DUOXA2: variants seen among roughly 807,000 people sequenced by gnomAD.
DUOXA2 encodes the protein dual oxidase maturation factor 2.
In DUOXA2, 22 loss-of-function variants were observed where a neutral mutation model predicts 27.6. The ratio of observed to expected loss-of-function variants is 0.80; its 90% confidence interval spans 0.57 to 1.14. DUOXA2 has a LOEUF of 1.14. DUOXA2 is among the 50% of genes most tolerant of loss of function. The pLI, the probability that DUOXA2 is intolerant of heterozygous loss-of-function variation, is 0.00. For missense variants in DUOXA2, 481 were observed against 419.9 expected (o/e 1.15, Z -1.27); for synonymous variants, 188 against 184.4 (o/e 1.02, Z -0.16).
At chr15:45,117,614 G>A (rs144216500) in intron 5 of DUOXA2, 102 bp from the exon 6 acceptor site, 1 of 1,613,598 alleles carries the variant, frequency 6.2e-7, no homozygotes, top group Non-Finnish European at 8.5e-7. Context: ...ACTTTGGGAG[G>A]TCGAGGCAGG....
At position 45,114,744 on chromosome 15, in the gene DUOXA2, G is replaced by A. The variant is rs1371138666; in HGVS notation, c.139G>A (p.Gly47Ser). 1.9e-6 allele frequency: 3 copies of A among 1,614,092 alleles called. No homozygotes were observed. Among genetic ancestry groups the A allele is most frequent in the Non-Finnish European group, 1.7e-6 (2 of 1,180,048 alleles). Reference sequence around the variant, plus strand: ...CCTGCTCATCTTGCCGGGGATCCGTGGCCACTCGGTAAGGGTGTCCTCATA... The same window carrying A: ...CCTGCTCATCTTGCCGGGGATCCGTAGCCACTCGGTAAGGGTGTCCTCATA... ...SFLLILPGIR[G>S]HSRWFWLVRV... The change falls in exon 1 of 6, where the codon GGC (glycine) becomes AGC (serine). Residue 47 changes from glycine (G) to serine (S), a missense_variant. Coordinates refer to ENST00000323030, the MANE Select transcript of DUOXA2 (RefSeq NM_207581.4).
rs376936472 is a variant in DUOXA2 at position 45,117,250 on chromosome 15, C to T, written c.714C>T (p.Gly238=). ...SSVPLCPLRL[G]SSALTTQYGA... ...TGCCGCTCTGCCCGCTCCGCCTAGG[C>T]TCCTCCGCGCTCACCACTCAGTACG... Residue 238 remains glycine (G), a synonymous_variant, in exon 5 of 6, where the codon GGC becomes GGT. Transcript: ENST00000323030. 1.9e-6 allele frequency: 3 copies of T among 1,609,948 alleles called. No homozygotes were observed. The highest frequency in any genetic ancestry group is 2.5e-6 in the Non-Finnish European group (3 of 1,178,928).
At chr15:45,116,925 G>C in intron 4 of DUOXA2, 166 bp from the exon 5 acceptor site, 2 of 1,058,024 alleles carry the variant, frequency 1.9e-6, no homozygotes, top group Non-Finnish European at 2.8e-6. Flanking sequence ...TCCAGCCACC[G>C]CCTGGACCTC....
At chr15:45,116,924 C>A (rs1327489262) in intron 4 of DUOXA2, 167 bp from the exon 5 acceptor site, 4 of 1,049,008 alleles carry the variant, frequency 3.8e-6, no homozygotes, top group African/African-American at 3.1e-5. Flanking sequence ...CTCCAGCCAC[C>A]GCCTGGACCT....
Position 45,118,179 on chromosome 15 carries a change from A to G in DUOXA2, c.*270A>G. ...GTCCTCATGAGCTTCGCTGGGCTGGAGACAGCCTAGTACACTCTCCGCAGT... is the reference window on the plus strand; with the variant it reads ...GTCCTCATGAGCTTCGCTGGGCTGGGGACAGCCTAGTACACTCTCCGCAGT... On this transcript the variant is annotated 3_prime_UTR_variant, in exon 6 of 6. Coordinates refer to ENST00000323030, the MANE Select transcript of DUOXA2 (RefSeq NM_207581.4). 2 of 1,435,568 alleles carry G rather than the reference A, an allele frequency of 1.4e-6. No individual in the cohort carries two copies. Among genetic ancestry groups the G allele is most frequent in the Non-Finnish European group, 1.8e-6 (2 of 1,100,406 alleles). 88.9% of individuals were successfully genotyped at this position (1,435,568 alleles called of 1,614,324 possible). A position where few individuals can be genotyped will look rare whatever the true frequency, so the allele number is the denominator to read the frequency against.
At position 45,118,209 on chromosome 15, in the gene DUOXA2, T is replaced by G; in HGVS notation, c.*300T>G. On this transcript the variant is annotated 3_prime_UTR_variant, in exon 6 of 6. Coordinates refer to ENST00000323030, the MANE Select transcript of DUOXA2 (RefSeq NM_207581.4). ...GCCTAGTACACTCTCCGCAGTGCTGTGAAACCTGATTCTCTGCGTCGACTC... is the reference window on the plus strand; with the variant it reads ...GCCTAGTACACTCTCCGCAGTGCTGGGAAACCTGATTCTCTGCGTCGACTC... 7.1e-7 allele frequency: 1 copy of G among 1,417,394 alleles called. No individual in the cohort carries two copies. The highest frequency in any genetic ancestry group is 9.2e-7 in the Non-Finnish European group (1 of 1,092,112). The allele number at this position is 1,417,394 out of a possible 1,614,324, so 87.8% of individuals were successfully genotyped here. A position where few individuals can be genotyped will look rare whatever the true frequency, so the allele number is the denominator to read the frequency against.
Position 45,116,237 on chromosome 15 carries a change from G to A in DUOXA2, c.319G>A (p.Gly107Ser). 6.2e-7 allele frequency: 1 copy of A among 1,613,998 alleles called. No individual in the cohort carries two copies. Among genetic ancestry groups the A allele is most frequent in the African/African-American group, 1.3e-5 (1 of 75,056 alleles). Residue 107 changes from glycine to serine, a missense_variant, in exon 3 of 6, where the codon GGC becomes AGC. Physicochemically the swap from Gly to Ser is moderately conservative, Grantham distance 56. Transcript: ENST00000323030. ...ARVRLLVGLE[G>S]INITLTGTPV... ...TGTCCGTCTGCTCGTGGGCCTGGAG[G>A]GCATTAATATTACACTCACAGGTGA...
At position 45,116,551 on chromosome 15, in the gene DUOXA2, T is replaced by C; in HGVS notation, c.376T>C (p.Tyr126His). The C allele has an allele frequency of 6.2e-7, 1 of 1,613,980 alleles. No homozygotes were observed. Among genetic ancestry groups the C allele is most frequent in the Non-Finnish European group, 8.5e-7 (1 of 1,180,034 alleles). ...PVHQLNETID[Y>H]NEQFTWRLKE... Reference sequence around the variant, plus strand: ...GCATCAGCTGAACGAGACCATTGACTACAACGAGCAGTTCACCTGGCGTCT... The same window carrying C: ...GCATCAGCTGAACGAGACCATTGACCACAACGAGCAGTTCACCTGGCGTCT... The change falls in exon 4 of 6, where the codon TAC (tyrosine) becomes CAC (histidine). Residue 126 changes from tyrosine to histidine, a missense_variant. Tyr to His is a moderately conservative substitution (Grantham distance 83). Transcript: ENST00000323030.
rs746901720 is a variant in DUOXA2, at chr15:45,116,600, A to G, written c.425A>G (p.Tyr142Cys). The change falls in exon 4 of 6, where the codon TAC becomes TGC. Residue 142 changes from tyrosine to cysteine, a missense_variant. Coordinates refer to ENST00000323030, the MANE Select transcript of DUOXA2 (RefSeq NM_207581.4). Reference protein sequence around the residue: ...WRLKENYAAEYANALEKGLPD... With the variant: ...WRLKENYAAECANALEKGLPD... The stretch of plus-strand genomic sequence containing the variant: ...CTGAAAGAGAATTACGCCGCGGAGT[A>G]CGCGAACGCACTGGAGAAGGGGCTG... 1 of 1,614,054 alleles carries G rather than the reference A, an allele frequency of 6.2e-7. No homozygotes were observed. The highest frequency in any genetic ancestry group is 1.7e-5 in the Admixed American group (1 of 60,032).
intron 2 of DUOXA2, 95 bp downstream of exon 2, chr15:45,115,951 T>C (rs1894610657): frequency 6.3e-7 from 1 of 1,599,218 alleles, no homozygotes; most frequent in Non-Finnish European, 8.6e-7. Flanking sequence ...GTTGGTTTTC[T>C]GCTCCCTCTT....
At position 45,115,800 on chromosome 15, in the gene DUOXA2, G is replaced by A. The variant is rs567165362; in HGVS notation, c.149G>A (p.Arg50His). ...LILPGIRGHSRWFWLVRVLLS... is the reference protein window; with the variant it reads ...LILPGIRGHSHWFWLVRVLLS... ...TGACCCGGGTGCCTATTCCTGCAGC[G>A]CTGGTTTTGGTTGGTGAGAGTTCTT... The change falls in exon 2 of 6, where the codon CGC (arginine) becomes CAC (histidine). Residue 50 changes from arginine to histidine, a missense_variant and splice_region_variant. Transcript: ENST00000323030. 1.3e-5 allele frequency: 21 copies of A among 1,614,136 alleles called. No individual in the cohort carries two copies. The highest frequency in any genetic ancestry group is 1.6e-4 in the Middle Eastern group (1 of 6,062).
Position 45,117,241 on chromosome 15 carries a change from C to A in DUOXA2, c.705C>A (p.Leu235=). 1 of 1,610,576 alleles carries A rather than the reference C, an allele frequency of 6.2e-7. No individual in the cohort carries two copies. The highest frequency in any genetic ancestry group is 8.5e-7 in the Non-Finnish European group (1 of 1,179,546). ...TCTCTAGCGTGCCGCTCTGCCCGCT[C>A]CGCCTAGGCTCCTCCGCGCTCACCA... ...ASISSVPLCP[L]RLGSSALTTQ... is the part of the protein sequence containing the mutation. The change falls in exon 5 of 6, where the codon CTC becomes CTA. Residue 235 remains leucine, a synonymous_variant. Coordinates refer to ENST00000323030, the MANE Select transcript of DUOXA2 (RefSeq NM_207581.4).
rs781126484 is a variant in DUOXA2, at chr15:45,116,676, C to G, written c.501C>G (p.Cys167Trp). Residue 167 changes from cysteine to tryptophan, a missense_variant, in exon 4 of 6, where the codon TGC becomes TGG. Cys to Trp is a radical substitution (Grantham distance 215). Coordinates refer to ENST00000323030, the MANE Select transcript of DUOXA2 (RefSeq NM_207581.4). The part of the protein sequence containing the change: ...LAEKFTPSSP[C>W]GLYHQYHLAG... ...AGAAGTTCACACCGAGTAGCCCTTG[C>G]GGCCTGTACCACCAGTACCACCTGG... 8 of 1,613,630 alleles carry G rather than the reference C, an allele frequency of 5.0e-6. No individual in the cohort carries two copies. Among genetic ancestry groups the G allele is most frequent in the Non-Finnish European group, 5.9e-6 (7 of 1,180,060 alleles).
In DUOXA2 at chr15:45,117,155, G is replaced by A. The variant is rs764020364; in HGVS notation, c.619G>A (p.Gly207Ser). ...LLSTPAPLYG[G>S]LALLTTGAFA... The stretch of plus-strand genomic sequence containing the variant: ...CTCCACGCCGGCCCCGCTCTACGGA[G>A]GCCTGGCACTGCTGACCACCGGAGC... The change falls in exon 5 of 6, where the codon GGC becomes AGC. Residue 207 changes from glycine (G) to serine (S), a missense_variant. Coordinates refer to ENST00000323030, the MANE Select transcript of DUOXA2 (RefSeq NM_207581.4). 55 of 1,603,590 alleles carry A rather than the reference G, an allele frequency of 3.4e-5. No homozygotes were observed. The highest frequency in any genetic ancestry group is 6.7e-5 in the East Asian group (3 of 44,870).
intron 1 of DUOXA2, 88 bp from the exon 2 acceptor site, chr15:45,115,711 A>G: frequency 1.3e-6 from 2 of 1,486,656 alleles, no homozygotes; most frequent in Non-Finnish European, 1.9e-6. Context: ...GGATATAACT[A>G]AAGATCCAGG....
At position 45,116,592 on chromosome 15, in the gene DUOXA2, C is replaced by G; in HGVS notation, c.417C>G (p.Ala139=). ...QFTWRLKENY[A]AEYANALEKG... is the part of the protein sequence containing the mutation. ...CCTGGCGTCTGAAAGAGAATTACGC[C>G]GCGGAGTACGCGAACGCACTGGAGA... The change falls in exon 4 of 6, where the codon GCC becomes GCG. Residue 139 remains alanine (A), a synonymous_variant. Transcript: ENST00000323030. 1 of 1,614,036 alleles carries G rather than the reference C, an allele frequency of 6.2e-7. No homozygotes were observed. Among genetic ancestry groups the G allele is most frequent in the Non-Finnish European group, 8.5e-7 (1 of 1,180,046 alleles).
Position 45,117,818 on chromosome 15 carries a change from A to T in DUOXA2, c.872A>T (p.Gln291Leu). ...LLDQSAKDCS[Q>L]ERGGSPLILG... is the part of the protein sequence containing the mutation. ...GACCAAAGCGCCAAGGACTGCAGCC[A>T]GGAGAGAGGGGGCTCACCTCTTATC... is the stretch of plus-strand genomic sequence containing the variant. The change falls in exon 6 of 6, where the codon CAG becomes CTG. Residue 291 changes from glutamine to leucine, a missense_variant. Transcript: ENST00000323030. 1 of 1,613,932 alleles carries T rather than the reference A, an allele frequency of 6.2e-7. No individual in the cohort carries two copies. The highest frequency in any genetic ancestry group is 8.5e-7 in the Non-Finnish European group (1 of 1,180,048).
At chr15:45,115,466 AG>A in intron 1 of DUOXA2, 1 of 540,510 alleles carries the variant, frequency 1.9e-6, no homozygotes, top group South Asian at 1.5e-5. Flanking sequence ...GGACTCACTG[AG>A]CCTCACCAAG....
rs1566980150 is a variant in DUOXA2 at position 45,114,537 on chromosome 15, C to T, written c.-69C>T. 3.7e-6 allele frequency: 6 copies of T among 1,601,856 alleles called. No homozygotes were observed. The Admixed American group carries it at 6.8e-5, about 18-fold the overall frequency. Reference sequence around the variant, plus strand: ...AAGAGACGCCAAGGACGCGCTCTCCCGCGTCCAGGCAGCCCCAGCTTGCTG... The same window carrying T: ...AAGAGACGCCAAGGACGCGCTCTCCTGCGTCCAGGCAGCCCCAGCTTGCTG... On this transcript the variant is annotated 5_prime_UTR_variant, in exon 1 of 6. Transcript: ENST00000323030.
Sources: allele counts gnomAD v4.1 joint callset, GRCh38; gene constraint gnomAD v4.1.1; transcripts MANE v1.5; gene names NCBI Gene and HGNC (gene_info 2026-07-23, HGNC 2026-07-21).